SIPA1L1: variants seen among roughly 807,000 people sequenced by gnomAD.
SIPA1L1 encodes the protein signal induced proliferation associated 1 like 1.
SIPA1L1 carries 26 observed loss-of-function variants against 162.7 expected under a neutral mutation model. The observed-to-expected ratio is 0.16, with a 90% CI of 0.12 to 0.22. The LOEUF is 0.22. Among genes scored for constraint, SIPA1L1 ranks in the 10% least tolerant of loss-of-function variants. The probability of loss-of-function intolerance (pLI) is 1.00; values close to 1 mark genes in which losing one functional copy is unlikely to be tolerated. For synonymous variants in SIPA1L1, 829 were observed against 837.4 expected, an observed-to-expected ratio of 0.99 and a Z score of 0.17; for missense variants, 1,874 against 2,241.0, an observed-to-expected ratio of 0.84 and a Z score of 3.31.
chr14:71,530,528 A>T (rs2053335908), intron 4 of SIPA1L1, among the ~76,000 whole-genome samples: 1 of 152,158 alleles, frequency 6.6e-6, no homozygotes, highest in African/African-American at 2.4e-5. Flanking sequence ...TTGTTCTTGA[A>T]AAATTAGTAG....
intron 5 of SIPA1L1, among the ~76,000 whole-genome samples, chr14:71,609,118 A>G (rs1567304355): frequency 6.6e-6 from 1 of 152,110 alleles, no homozygotes; most frequent in Admixed American, 6.5e-5. Context: ...GGGCCATGCC[A>G]TCTCTTATTT....
chr14:71,727,004 G>A (rs1352300303), intron 19 of SIPA1L1, among the ~76,000 whole-genome samples: 2 of 152,136 alleles, frequency 1.3e-5, no homozygotes, highest in East Asian at 3.8e-4. Context: ...TTCCTGGATA[G>A]CCAGTGCTAC....
At chr14:71,597,551 T>C (rs901926422) in intron 5 of SIPA1L1, among the ~76,000 whole-genome samples, 1 of 152,168 alleles carries the variant, frequency 6.6e-6, no homozygotes, top group African/African-American at 2.4e-5. Flanking sequence ...TCTTCTTACA[T>C]AGGAGAAGTA....
intron 2 of SIPA1L1, among the ~76,000 whole-genome samples, chr14:71,437,116 A>C (rs1460682728): frequency 3.3e-5 from 5 of 152,038 alleles, no homozygotes; most frequent in Admixed American, 3.3e-4. Context: ...GATTGCGTTA[A>C]ATTTACTTAT....
chr14:71,733,845 G>T, intron 21 of SIPA1L1, 33 bp downstream of exon 21: 1 of 1,602,726 alleles, frequency 6.2e-7, no homozygotes, highest in African/African-American at 1.3e-5. Context: ...AGACAGCCCA[G>T]GATCCTGCAG....
chr14:71,521,560 G>C (rs1443748308), intron 3 of SIPA1L1, among the ~76,000 whole-genome samples: 1 of 152,172 alleles, frequency 6.6e-6, no homozygotes, highest in Admixed American at 6.5e-5. Context: ...AGAAGGACAG[G>C]AGAAGGTTGC....
intron 7 of SIPA1L1, 34 bp from the exon 8 acceptor site, chr14:71,650,301 A>G (rs765863688): frequency 6.8e-6 from 11 of 1,611,646 alleles, no homozygotes; most frequent in East Asian, 2.2e-5. Context: ...GGATCTGCCT[A>G]TATTTATATG....
At chr14:71,417,499 A>AAAAAAAAAAAAC (rs2042883957) in intron 2 of SIPA1L1, among the ~76,000 whole-genome samples, 1 of 146,854 alleles carries the variant, frequency 6.8e-6, no homozygotes, top group South Asian at 2.2e-4. Flanking sequence ...AAAAAAAAAA[A>AAAAAAAAAAAAC]AAAAGAAAAT....
intron 2 of SIPA1L1, among the ~76,000 whole-genome samples, chr14:71,340,407 C>T (rs1165680826): frequency 1.3e-5 from 2 of 152,108 alleles, no homozygotes; most frequent in Non-Finnish European, 2.9e-5. Context: ...TGAACAACAC[C>T]AGTGAATTCA....
At chr14:71,705,110 A>C in intron 15 of SIPA1L1, 112 bp from the exon 16 acceptor site, 1 of 767,914 alleles carries the variant, frequency 1.3e-6, no homozygotes, top group Non-Finnish European at 2.3e-6. Flanking sequence ...GCTGAAATGC[A>C]GAGTTTGCTG....
chr14:71,548,523 A>AG (rs1293982908), intron 4 of SIPA1L1, among the ~76,000 whole-genome samples: 20 of 152,284 alleles, frequency 1.3e-4, no homozygotes, highest in Middle Eastern at 3.4e-3. Context: ...CAACAGAAAA[A>AG]TAAGTGTTTT....
At chr14:71,619,167 C>T (rs1303472691) in intron 6 of SIPA1L1, among the ~76,000 whole-genome samples, 1 of 151,998 alleles carries the variant, frequency 6.6e-6, no homozygotes, top group African/African-American at 2.4e-5. Context: ...AAATTGGAGC[C>T]CTCAGATCCC....
rs71105788 is a variant in SIPA1L1, at chr14:71,627,131, C to CTTTTT, written c.1818+2934_1818+2938dup. Among the ~76,000 whole-genome samples, 70 of 48,784 alleles carry CTTTTT rather than the reference C, an allele frequency of 1.4e-3. 7 individuals are homozygous for CTTTTT. Among genetic ancestry groups the CTTTTT allele is most frequent in the Non-Finnish European group, 1.9e-3 (54 of 27,976 alleles). 32.0% of individuals were successfully genotyped at this position (48,784 alleles called of 152,430 possible). On this transcript the variant is annotated intron_variant, in intron 7 of 23. Coordinates refer to ENST00000381232, the MANE Select transcript of SIPA1L1 (RefSeq NM_001386936.1). ...TGATGCCTTTCTGGGACTTTCACTACTTTTTTTTTTTTTTTTTTTTTTTTT... is the reference window on the plus strand; with the variant it reads ...TGATGCCTTTCTGGGACTTTCACTACTTTTTTTTTTTTTTTTTTTTTTTTTTTTTT...
At chr14:71,477,906 A>G (rs2048013253) in intron 2 of SIPA1L1, among the ~76,000 whole-genome samples, 1 of 152,158 alleles carries the variant, frequency 6.6e-6, no homozygotes, top group African/African-American at 2.4e-5. Context: ...TGGTAGGGGT[A>G]TGTTTAACTT....
rs567472862 is a variant in SIPA1L1 at position 71,329,008 on chromosome 14, T to C, written c.-465+7827T>C. On this transcript the variant is annotated intron_variant, in intron 2 of 23. Transcript: ENST00000381232. Reference sequence around the variant, plus strand: ...AATCTGGCTACTTTAGGTAACCTCATATAAGTGGAATCATGTAGTATTTGT... The same window carrying C: ...AATCTGGCTACTTTAGGTAACCTCACATAAGTGGAATCATGTAGTATTTGT... Among the ~76,000 whole-genome samples, 3 of 152,336 alleles carry C rather than the reference T, an allele frequency of 2.0e-5. No homozygotes were observed. In the South Asian group the frequency reaches 6.2e-4, roughly 32 times the overall value.
intron 2 of SIPA1L1, among the ~76,000 whole-genome samples, chr14:71,356,584 A>AAAAAAAAAAAAAAAAAAAAAAAAAAC (rs2037284301): frequency 6.8e-6 from 1 of 146,576 alleles, no homozygotes; most frequent in Non-Finnish European, 1.5e-5. Context: ...AAAAAAAAAA[A>AAAAAAAAAAAAAAAAAAAAAAAAAAC]AAAGCACACC....
chr14:71,351,546 A>G (rs932159943), intron 2 of SIPA1L1, among the ~76,000 whole-genome samples: 1 of 152,206 alleles, frequency 6.6e-6, no homozygotes, highest in African/African-American at 2.4e-5. Flanking sequence ...CTTAGCTTTC[A>G]TTTATAAAAT....
chr14:71,378,511 G>A (rs1380011527), intron 2 of SIPA1L1, among the ~76,000 whole-genome samples: 1 of 152,162 alleles, frequency 6.6e-6, no homozygotes, highest in African/African-American at 2.4e-5. Flanking sequence ...GTTGTGGTCA[G>A]AGAATATTTG....
chr14:71,383,747 C>T (rs1175338707), intron 2 of SIPA1L1, among the ~76,000 whole-genome samples: 1 of 152,060 alleles, frequency 6.6e-6, no homozygotes, highest in Non-Finnish European at 1.5e-5. Context: ...GGTGAACTAA[C>T]TGAGCCAGAA....
Sources: allele counts gnomAD v4.1 joint callset (sites outside exome capture counted in the v4.1 genomes callset), GRCh38; gene constraint gnomAD v4.1.1; transcripts MANE v1.5; gene names NCBI Gene and HGNC (gene_info 2026-07-23, HGNC 2026-07-21).